Variants in SLC22A16 observed in about 807,000 individuals in gnomAD.
The protein encoded by SLC22A16 is WUGSC:RG331P03.1.
Under a neutral mutation model 52.9 loss-of-function variants are expected in SLC22A16, and 53 were observed. That is an observed-to-expected ratio of 1.00 (90% CI 0.80 to 1.26). The LOEUF is 1.26. Ranked by LOEUF, SLC22A16 falls within the 50% of genes most tolerant of loss-of-function variation. The pLI is 0.00. For synonymous variants in SLC22A16, 291 were observed against 268.8 expected, an observed-to-expected ratio of 1.08 and a Z score of -0.81; for missense variants, 726 against 704.0, an observed-to-expected ratio of 1.03 and a Z score of -0.35.
chr6:110,457,126 A>G (rs1329478145), intron 1 of SLC22A16, 109 bp from the exon 2 acceptor site: 4 of 988,898 alleles, frequency 4.0e-6, no homozygotes, highest in Non-Finnish European at 5.8e-6. Flanking sequence ...ACACGAATGG[A>G]TAAATATAGA....
chr6:110,466,161 G>A (rs1347499707), intron 1 of SLC22A16, among the ~76,000 whole-genome samples: 1 of 152,106 alleles, frequency 6.6e-6, no homozygotes, highest in Non-Finnish European at 1.5e-5. Context: ...AGGCCTAAAT[G>A]TAAGACCTGA....
rs757883663 is a variant in SLC22A16, at chr6:110,442,695, G to A, written c.732C>T (p.Val244=). 7 of 1,614,070 alleles carry A rather than the reference G, an allele frequency of 4.3e-6. No individual in the cohort carries two copies. In the South Asian group the frequency reaches 5.5e-5, roughly 13 times the overall value. Residue 244 remains valine, a synonymous_variant, in exon 4 of 8, where the codon GTC becomes GTT. Coordinates refer to ENST00000368919, the MANE Select transcript of SLC22A16 (RefSeq NM_033125.4). ...IGMKSRTWAS[V]HLHSFFAVGT... is the part of the protein sequence containing the mutation. ...CAACTGCAAAAAAGGAATGCAAATG[G>A]ACAGACGCCCATGTCCGAGACTTCA...
chr6:110,459,367 C>T (rs942749315), intron 1 of SLC22A16, among the ~76,000 whole-genome samples: 10 of 152,154 alleles, frequency 6.6e-5, no homozygotes, highest in African/African-American at 2.2e-4. Context: ...TGCTGTATCC[C>T]TCCTATGATC....
Position 110,443,523 on chromosome 6 carries a change from A to T in SLC22A16, c.652-748T>A, listed in dbSNP as rs1047541178. On this transcript the variant is annotated intron_variant, in intron 3 of 7. Coordinates refer to ENST00000368919, the MANE Select transcript of SLC22A16 (RefSeq NM_033125.4). ...CTCATACACATTAGTGTGGCTAATT[A>T]AAAAAAAAAATAACAAGTTTTGGCG... Among the ~76,000 whole-genome samples, 11 of 147,924 alleles carry T rather than the reference A, an allele frequency of 7.4e-5. 1 individual carries two copies. Among genetic ancestry groups the T allele is most frequent in the African/African-American group, 2.7e-4 (11 of 40,182 alleles).
At chr6:110,442,117 T>A in intron 4 of SLC22A16, 127 bp downstream of exon 4, 1 of 830,206 alleles carries the variant, frequency 1.2e-6, no homozygotes, top group South Asian at 1.8e-5. Flanking sequence ...TTGGCAGTAT[T>A]GTTCCTGGTT....
chr6:110,464,898 C>T (rs1461083442), intron 1 of SLC22A16, among the ~76,000 whole-genome samples: 2 of 152,052 alleles, frequency 1.3e-5, no homozygotes, highest in African/African-American at 4.8e-5. Context: ...CAACAAAATA[C>T]TAGCAAACTG....
intron 1 of SLC22A16, among the ~76,000 whole-genome samples, chr6:110,460,538 G>A (rs1303541813): frequency 6.6e-6 from 1 of 152,054 alleles, no homozygotes; most frequent in Non-Finnish European, 1.5e-5. Context: ...CCAAATTGTG[G>A]GAGAGCCCCT....
chr6:110,454,762 TTA>T (rs1439158762), intron 2 of SLC22A16, among the ~76,000 whole-genome samples: 9 of 66,010 alleles, frequency 1.4e-4, no homozygotes, highest in South Asian at 3.7e-4. Context: ...TTATATACAT[TTA>T]TATATATAAA....
chr6:110,451,515 G>A (rs1775379539), intron 2 of SLC22A16, among the ~76,000 whole-genome samples: 1 of 152,174 alleles, frequency 6.6e-6, no homozygotes, highest in South Asian at 2.1e-4. Flanking sequence ...TAAATGGTGT[G>A]ATTATATGTC....
intron 5 of SLC22A16, among the ~76,000 whole-genome samples, chr6:110,438,228 G>C (rs1774812124): frequency 6.6e-6 from 1 of 152,248 alleles, no homozygotes; most frequent in African/African-American, 2.4e-5. Context: ...GTATGATGAT[G>C]CTGGAAGGTG....
chr6:110,453,797 T>G, intron 2 of SLC22A16: 2 of 436,644 alleles, frequency 4.6e-6, no homozygotes, highest in Non-Finnish European at 9.2e-6. Context: ...AAGAGGTTTA[T>G]TTAGCTCATA....
chr6:110,440,806 TTATGAAAAAAC>T (rs1255599240), intron 4 of SLC22A16, among the ~76,000 whole-genome samples: 1 of 152,186 alleles, frequency 6.6e-6, no homozygotes, highest in African/African-American at 2.4e-5. Context: ...AAAGTGCATA[TTATGAAAAAAC>T]TATGCATGTG....
rs770486939 is a variant in SLC22A16 at position 110,424,907 on chromosome 6, G to A, written c.1700C>T (p.Ala567Val). ...AAGACCAGAATCCCTGGGGGTAATCGCTTCCGTTTTTTCCAGCCCACTATT... is the reference window on the plus strand; with the variant it reads ...AAGACCAGAATCCCTGGGGGTAATCACTTCCGTTTTTTCCAGCCCACTATT... The part of the protein sequence containing the change: ...TNNSGLEKTE[A>V]ITPRDSGLGE Residue 567 changes from alanine (A) to valine (V), a missense_variant, in exon 8 of 8, where the codon GCG (alanine) becomes GTG (valine). Physicochemically the swap from Ala to Val is moderately conservative, Grantham distance 64 (BLOSUM62 0). Transcript: ENST00000368919. The A allele has an allele frequency of 3.5e-5, 57 of 1,613,946 alleles. 1 individual carries two copies. Among genetic ancestry groups the A allele is most frequent in the Admixed American group, 1.0e-4 (6 of 59,992 alleles).
At position 110,442,545 on chromosome 6, in the gene SLC22A16, C is replaced by T. The variant is rs1229007238; in HGVS notation, c.882G>A (p.Trp294Ter). The change falls in exon 4 of 8, where the codon TGG becomes TGA. Residue 294 changes from tryptophan (W) to a stop codon, truncating the protein, a stop_gained. Transcript: ENST00000368919. LOFTEE classifies it high-confidence loss of function. ...CCWVLPETPF[W>*]LLSEGRYEEA... ...CTTCATATCGTCCCTCTGAGAGAAGCCAAAAAGGTGTCTCTGGGAGCACCC... is the reference window on the plus strand; with the variant it reads ...CTTCATATCGTCCCTCTGAGAGAAGTCAAAAAGGTGTCTCTGGGAGCACCC... 1.2e-6 allele frequency: 2 copies of T among 1,613,916 alleles called. No homozygotes were observed. Among genetic ancestry groups the T allele is most frequent in the Non-Finnish European group, 1.7e-6 (2 of 1,180,036 alleles).
chr6:110,466,752 G>C (rs996717837), intron 1 of SLC22A16, among the ~76,000 whole-genome samples: 1 of 152,162 alleles, frequency 6.6e-6, no homozygotes, highest in Non-Finnish European at 1.5e-5. Flanking sequence ...ACTACCATTT[G>C]ATCCAGCAAT....
chr6:110,444,975 T>G (rs959500306), intron 3 of SLC22A16, among the ~76,000 whole-genome samples: 1 of 152,214 alleles, frequency 6.6e-6, no homozygotes, highest in Non-Finnish European at 1.5e-5. Flanking sequence ...CTTCCTCTGT[T>G]ATTGGATTCA....
chr6:110,425,177 A>G, intron 7 of SLC22A16, 92 bp from the exon 8 acceptor site: 1 of 1,551,384 alleles, frequency 6.4e-7, no homozygotes, highest in Admixed American at 2.0e-5. Context: ...TCAGAGGGTA[A>G]TGGATTTGAA....
At chr6:110,428,811 T>C (rs1376047662) in intron 7 of SLC22A16, among the ~76,000 whole-genome samples, 1 of 152,236 alleles carries the variant, frequency 6.6e-6, no homozygotes, top group South Asian at 2.1e-4. Context: ...TCCCAGCTTC[T>C]TGGGAGGCTG....
intron 1 of SLC22A16, among the ~76,000 whole-genome samples, chr6:110,473,254 T>G (rs13218616): frequency 0.054 from 8,287 of 152,180 alleles, 379 homozygotes; most frequent in African/African-American, 0.13. Context: ...TATCCATTGA[T>G]GAAGGTCTGC....
Sources: allele counts gnomAD v4.1 joint callset (sites outside exome capture counted in the v4.1 genomes callset), GRCh38; gene constraint gnomAD v4.1.1; transcripts MANE v1.5; gene names NCBI Gene and HGNC (gene_info 2026-07-23, HGNC 2026-07-21).